The following SLCO4A1 variants were observed in gnomAD, a reference collection of about 807,000 sequenced individuals.
The protein encoded by SLCO4A1 is solute carrier organic anion transporter family member 4A1.
In SLCO4A1, 51 loss-of-function variants were observed where a neutral mutation model predicts 64.6. That is an observed-to-expected ratio of 0.79 (90% CI 0.63 to 1.00). The LOEUF is 1.00. Among genes scored for constraint, SLCO4A1 ranks in the 50% least tolerant of loss-of-function variants. SLCO4A1 has a pLI of 0.00. For synonymous variants in SLCO4A1, 471 were observed against 444.9 expected, an observed-to-expected ratio of 1.06 and a Z score of -0.74; for missense variants, 919 against 980.5, an observed-to-expected ratio of 0.94 and a Z score of 0.84.
In SLCO4A1 at chr20:62,671,996, G is replaced by A. The variant is rs1195832450; in HGVS notation, c.*103G>A. On this transcript the variant is annotated 3_prime_UTR_variant, in exon 12 of 12. Coordinates refer to ENST00000217159, the MANE Select transcript of SLCO4A1 (RefSeq NM_016354.4). ...TCACACGGGAACTTCTATTTGACCT[G>A]CAACCTTCTACTTAACCTGTGGTTT... The A allele has an allele frequency of 3.1e-6, 5 of 1,594,152 alleles. No individual in the cohort carries two copies. The highest frequency in any genetic ancestry group is 1.1e-5 in the South Asian group (1 of 90,574).
chr20:62,688,466 A>G (rs541347460), downstream of SLCO4A1, among the ~76,000 whole-genome samples: 6 of 152,234 alleles, frequency 3.9e-5, no homozygotes, highest in African/African-American at 2.4e-5. Flanking sequence ...CTTAAGCAAA[A>G]GCTCAGTCTG....
intron 2 of SLCO4A1, among the ~76,000 whole-genome samples, chr20:62,681,889 G>GT (rs11483030): frequency 0.98 from 149,967 of 152,308 alleles, 73,883 homozygotes; most frequent in East Asian, 1. Context: ...TCTTGGGTGA[G>GT]TTTGGTAGTT....
At position 62,661,222 on chromosome 20, in the gene SLCO4A1, A is replaced by C; in HGVS notation, c.1121+47A>C. On this transcript the variant is annotated intron_variant, in intron 5 of 11. Transcript: ENST00000217159. The surrounding 1 kb of genome is among the most constrained non-coding windows in gnomAD (Gnocchi z 5.2). ...GTTCCTAGTGTCCTCAGACCCTTTA[A>C]TGGTCCCCATCTTGGGGGAGTCGTT... 1 of 1,336,644 alleles carries C rather than the reference A, an allele frequency of 7.5e-7. No individual in the cohort carries two copies. The allele number at this position is 1,336,644 out of a possible 1,614,324, so 82.8% of individuals were successfully genotyped here.
chr20:62,680,545 C>T (rs926335524), intron 2 of SLCO4A1, among the ~76,000 whole-genome samples: 35 of 150,152 alleles, frequency 2.3e-4, no homozygotes, highest in African/African-American at 8.4e-4. Flanking sequence ...AAGAGGTTCC[C>T]CTTCTATTTC....
intron 7 of SLCO4A1, 135 bp from the exon 8 acceptor site, chr20:62,667,610 C>T (rs1430481132): frequency 1.1e-5 from 11 of 997,568 alleles, no homozygotes; most frequent in African/African-American, 6.5e-5. Context: ...GTGCTGGGGG[C>T]GGTGCAAGCT....
rs1056478226 is a variant in SLCO4A1, at chr20:62,668,084, A to T, written c.1711A>T (p.Thr571Ser). The change falls in exon 9 of 12, where the codon ACT becomes TCT. Residue 571 changes from threonine to serine, a missense_variant. By Grantham distance (58) the Thr-to-Ser change is moderately conservative (BLOSUM62 1). Coordinates refer to ENST00000217159, the MANE Select transcript of SLCO4A1 (RefSeq NM_016354.4). ...TGGCCATGCCACTGCAGGGAAATGC[A>T]CTTCAACTTGTCAGAGAAAGCCCCT... ...GFGHATAGKC[T>S]STCQRKPLLL... 1.2e-6 allele frequency: 2 copies of T among 1,613,848 alleles called. No individual in the cohort carries two copies. The highest frequency in any genetic ancestry group is 1.7e-6 in the Non-Finnish European group (2 of 1,180,012).
Position 62,667,436 on chromosome 20 carries a change from G to A in SLCO4A1, c.1473-309G>A, listed in dbSNP as rs111708109. ...TGGCGCTTTTTCTTTCCTAATGTTT[G>A]TATTTGATCCATATGAATGTGTTGC... On this transcript the variant is annotated intron_variant, in intron 7 of 11. Coordinates refer to ENST00000217159, the MANE Select transcript of SLCO4A1 (RefSeq NM_016354.4). 5.9e-3 allele frequency: 2,033 copies of A among 345,700 alleles called. 42 individuals carry two copies. The highest frequency in any genetic ancestry group is 0.038 in the African/African-American group (1,842 of 48,578). 21.4% of individuals were successfully genotyped at this position (345,700 alleles called of 1,614,324 possible).
intron 1 of SLCO4A1, chr20:62,650,580 A>C (rs756270910): frequency 6.6e-6 from 1 of 152,296 alleles, no homozygotes; most frequent in Non-Finnish European, 1.5e-5. Context: ...CCATGAGTGC[A>C]TCTGCCTTGG....
In SLCO4A1 at chr20:62,657,131, A is replaced by ACCAGCT. The variant is rs764530979; in HGVS notation, c.678_683dup (p.Gln227_Leu228dup). The ACCAGCT allele has an allele frequency of 5.7e-6, 9 of 1,572,322 alleles. No individual in the cohort carries two copies. The highest frequency in any genetic ancestry group is 6.9e-6 in the Non-Finnish European group (8 of 1,160,304). On this transcript the variant is annotated inframe_insertion, in exon 2 of 12. Coordinates refer to ENST00000217159, the MANE Select transcript of SLCO4A1 (RefSeq NM_016354.4). ...GACAGCACCTCGGGCCTGTCCCGCT[A>ACCAGCT]CCAGCTGGTCTTCATGCTGGGCCAG...
At chr20:62,673,688 G>C (rs922068977), downstream of SLCO4A1, among the ~76,000 whole-genome samples, 1 of 144,962 alleles carries the variant, frequency 6.9e-6, no homozygotes, top group Non-Finnish European at 1.6e-5. Context: ...CTCTGCCTAC[G>C]GTCGGCAAGA....
intron 2 of SLCO4A1, among the ~76,000 whole-genome samples, chr20:62,681,837 G>A (rs564538973): frequency 6.6e-5 from 10 of 152,276 alleles, no homozygotes; most frequent in South Asian, 2.1e-4. Flanking sequence ...AAAAAAATCC[G>A]TTTCTTTAAT....
At chr20:62,683,498 C>A (rs2147117361) in intron 2 of SLCO4A1, among the ~76,000 whole-genome samples, 1 of 152,284 alleles carries the variant, frequency 6.6e-6, no homozygotes, top group Non-Finnish European at 1.5e-5. Context: ...TGCAAGAATA[C>A]AGTCACGTAC....
At chr20:62,647,071 G>A (rs1156593484) in intron 1 of SLCO4A1, among the ~76,000 whole-genome samples, 1 of 152,246 alleles carries the variant, frequency 6.6e-6, no homozygotes. Context: ...TCGCCTGTGC[G>A]AGGTCACCAG....
intron 2 of SLCO4A1, among the ~76,000 whole-genome samples, chr20:62,678,713 C>G (rs1040498893): frequency 6.7e-6 from 1 of 149,638 alleles, no homozygotes; most frequent in Non-Finnish European, 1.5e-5. Context: ...GTCGTACAGC[C>G]ACACGATAGA....
Position 62,656,843 on chromosome 20 carries a change from C to G in SLCO4A1, c.389C>G (p.Ser130Cys), listed in dbSNP as rs771771246. ...VNGFINTVIT[S>C]LERRYDLHSY... ...GGCTTCATCAACACAGTCATCACCT[C>G]CCTGGAGCGCCGCTATGACCTGCAC... is the stretch of plus-strand genomic sequence containing the variant. Residue 130 changes from serine to cysteine, a missense_variant, in exon 2 of 12, where the codon TCC becomes TGC. By Grantham distance (112) the Ser-to-Cys change is moderately radical. Coordinates refer to ENST00000217159, the MANE Select transcript of SLCO4A1 (RefSeq NM_016354.4). 6.2e-7 allele frequency: 1 copy of G among 1,609,430 alleles called. No individual in the cohort carries two copies. The highest frequency in any genetic ancestry group is 1.7e-4 in the Middle Eastern group (1 of 6,048).
In SLCO4A1 at chr20:62,661,727, C is replaced by T. The variant is rs1984966267; in HGVS notation, c.1121+552C>T. Among the ~76,000 whole-genome samples the T allele has an allele frequency of 6.6e-6, 1 of 152,022 alleles. No individual in the cohort carries two copies. ...CCCTCTACCCGGCGTGTCCCGCTCACCCTCTGGGGAGGTTGCTTGCTTTGC... is the reference window on the plus strand; with the variant it reads ...CCCTCTACCCGGCGTGTCCCGCTCATCCTCTGGGGAGGTTGCTTGCTTTGC... On this transcript the variant is annotated intron_variant, in intron 5 of 11. Transcript: ENST00000217159. The surrounding 1 kb of genome is among the most constrained non-coding windows in gnomAD (Gnocchi z 5.2).
At chr20:62,643,168 C>T in intron 1 of SLCO4A1, 2 of 353,990 alleles carry the variant, frequency 5.6e-6, no homozygotes, top group South Asian at 4.0e-5. Flanking sequence ...GCAGCGGCGG[C>T]GCCCCTTTCC....
In SLCO4A1 at chr20:62,645,656, T is replaced by G. The variant is rs1018372440; in HGVS notation, c.-97+3103T>G. 1.1e-4 allele frequency among the ~76,000 whole-genome samples: 16 copies of G among 151,866 alleles called. No individual in the cohort carries two copies. The highest frequency in any genetic ancestry group is 1.5e-5 in the Non-Finnish European group (1 of 67,930). On this transcript the variant is annotated intron_variant, in intron 1 of 11. Coordinates refer to ENST00000217159, the MANE Select transcript of SLCO4A1 (RefSeq NM_016354.4). The surrounding 1 kb of genome is among the most constrained non-coding windows in gnomAD (Gnocchi z 4.2). ...TACATTTCTGGCGGAAGGTGACTGC[T>G]TTTTCAAACCACGTGCCTTCTGCAG...
chr20:62,649,968 G>A (rs551309786), intron 1 of SLCO4A1: 2 of 152,406 alleles, frequency 1.3e-5, no homozygotes, highest in African/African-American at 2.4e-5. Flanking sequence ...AATTTGGTCT[G>A]GGGTCAAGGC....
Sources: gnomAD v4.1 joint callset for allele counts (sites outside exome capture counted in the v4.1 genomes callset) on GRCh38, gnomAD v4.1.1 for gene constraint, Gnocchi (gnomAD v3.1) non-coding constraint, MANE v1.5 for transcripts, NCBI Gene and HGNC (gene_info 2026-07-23, HGNC 2026-07-21) for gene names.